The following RGL3 variants were observed in gnomAD, a reference collection of about 807,000 sequenced individuals.
The protein encoded by RGL3 is ral guanine nucleotide dissociation stimulator like 3.
In RGL3, 85 loss-of-function variants were observed where a neutral mutation model predicts 90.6. The observed-to-expected ratio is 0.94, with a 90% CI of 0.79 to 1.12. RGL3 has a LOEUF of 1.12. Ranked by LOEUF, RGL3 falls within the 50% of genes most tolerant of loss-of-function variation. The pLI is 0.00. For missense variants in RGL3, 1,034 were observed against 939.2 expected (o/e 1.10, Z -1.32); for synonymous variants, 408 against 385.5 (o/e 1.06, Z -0.68).
In RGL3 at chr19:11,402,524, A is replaced by G. The variant is rs1333034659; in HGVS notation, c.1260T>C (p.Pro420=). The change falls in exon 11 of 19, where the codon CCT becomes CCC. Residue 420 remains proline (P), a synonymous_variant. Coordinates refer to ENST00000380456, the MANE Select transcript of RGL3 (RefSeq NM_001035223.4). ...TAAGGAAGGTGCCAAGGTAGGGGAC[A>G]GGGCCTGGGGGTGGTTTCTGCAGCC... is the stretch of plus-strand genomic sequence containing the variant. ...GSLPSKPPPG[P]VPYLGTFLTD... 1 of 1,605,316 alleles carries G rather than the reference A, an allele frequency of 6.2e-7. No homozygotes were observed. The highest frequency in any genetic ancestry group is 2.2e-5 in the East Asian group (1 of 44,830).
Position 11,394,439 on chromosome 19 carries a change from T to A in RGL3, c.2096A>T (p.Glu699Val). 1 of 1,613,822 alleles carries A rather than the reference T, an allele frequency of 6.2e-7. No individual in the cohort carries two copies. Among genetic ancestry groups the A allele is most frequent in the Non-Finnish European group, 8.5e-7 (1 of 1,179,926 alleles). ...GACAGACAGAGTGTTCCGGGTCCCC[T>A]CTTTCCGCCGCAGCATGAAGTCTCT... is the stretch of plus-strand genomic sequence containing the variant. ...APRDFMLRRK[E>V]GTRNTLSVSP... The change falls in exon 19 of 19, where the codon GAG becomes GTG. Residue 699 changes from glutamate to valine, a missense_variant. Coordinates refer to ENST00000380456, the MANE Select transcript of RGL3 (RefSeq NM_001035223.4).
intron 1 of RGL3, 22 bp downstream of exon 1, chr19:11,419,224 C>A: frequency 6.3e-7 from 1 of 1,583,626 alleles, no homozygotes. Flanking sequence ...ATGCGGGGTC[C>A]GGGGATCCCT....
rs747244311 is a variant in RGL3, at chr19:11,417,016, C to A, written c.191G>T (p.Ser64Ile). ...CGCTGCCCTCAGCACCCTCACCTTG[C>A]TGGTTCGATAGTGGAGGAAGGTATT... ...IANTFLHYRT[S>I]KVRVLRAARL... Residue 64 changes from serine to isoleucine, a missense_variant, in exon 3 of 19, where the codon AGC (serine) becomes ATC (isoleucine). By Grantham distance (142) the Ser-to-Ile change is moderately radical. Coordinates refer to ENST00000380456, the MANE Select transcript of RGL3 (RefSeq NM_001035223.4). The A allele has an allele frequency of 1.2e-6, 2 of 1,612,606 alleles. No individual in the cohort carries two copies. The highest frequency in any genetic ancestry group is 2.2e-5 in the South Asian group (2 of 90,872).
Position 11,416,841 on chromosome 19 carries a change from A to C in RGL3, c.366T>G (p.Pro122=). Residue 122 remains proline (P), a synonymous_variant, in exon 3 of 19, where the codon CCT becomes CCG. Coordinates refer to ENST00000380456, the MANE Select transcript of RGL3 (RefSeq NM_001035223.4). ...GGTTATGGTTCGCTACTGACCCGGG[A>C]GGTGGGGGCGGTGGCATTGGTGGCA... ...FLLPPMPPPP[P]PGVEIKKTAV... The C allele has an allele frequency of 6.2e-7, 1 of 1,613,132 alleles. No homozygotes were observed. The highest frequency in any genetic ancestry group is 8.5e-7 in the Non-Finnish European group (1 of 1,179,622).
At chr19:11,414,510 T>TA (rs71164198) in intron 5 of RGL3, among the ~76,000 whole-genome samples, 1 of 115,758 alleles carries the variant, frequency 8.6e-6, no homozygotes, top group Non-Finnish European at 1.7e-5. Context: ...TATATATATA[T>TA]ATATATATAT....
Position 11,394,145 on chromosome 19 carries a change from T to G in RGL3, c.*257A>C. The G allele has an allele frequency of 2.4e-6, 1 of 413,820 alleles. No homozygotes were observed. Among genetic ancestry groups the G allele is most frequent in the Non-Finnish European group, 4.5e-6 (1 of 224,118 alleles). 25.6% of individuals were successfully genotyped at this position (413,820 alleles called of 1,614,324 possible). On this transcript the variant is annotated 3_prime_UTR_variant, in exon 19 of 19. Transcript: ENST00000380456. The stretch of plus-strand genomic sequence containing the variant: ...TTATAAGATTTCTCTGGGGAGGGAT[T>G]TGACGTATCCATGCCCCACCTCTTT...
In RGL3 at chr19:11,395,080, G is replaced by A. The variant is rs555691578; in HGVS notation, c.2015-560C>T. Among the ~76,000 whole-genome samples the A allele has an allele frequency of 8.7e-5, 13 of 149,176 alleles. No individual in the cohort carries two copies. In the South Asian group the frequency reaches 2.1e-3, roughly 25 times the overall value. Reference sequence around the variant, plus strand: ...TGCACTCCAGCCTGGGCAACAGCACGAGACTCCATCTCAAAAAAAAAAAAA... The same window carrying A: ...TGCACTCCAGCCTGGGCAACAGCACAAGACTCCATCTCAAAAAAAAAAAAA... On this transcript the variant is annotated intron_variant, in intron 18 of 18. Transcript: ENST00000380456.
chr19:11,418,833 G>T, intron 1 of RGL3, 49 bp from the exon 2 acceptor site: 1 of 1,441,854 alleles, frequency 6.9e-7, no homozygotes, highest in Non-Finnish European at 9.3e-7. Flanking sequence ...AGGTCCTGGG[G>T]CCTCAGCCTC....
intron 5 of RGL3, among the ~76,000 whole-genome samples, chr19:11,411,815 A>G (rs988424948): frequency 1.3e-5 from 2 of 152,124 alleles, no homozygotes; most frequent in Non-Finnish European, 2.9e-5. Flanking sequence ...AAGTTTCAAC[A>G]TGTTGCCCAG....
chr19:11,417,095 A>G, intron 2 of RGL3, 36 bp from the exon 3 acceptor site: 1 of 1,485,002 alleles, frequency 6.7e-7, no homozygotes, highest in Non-Finnish European at 9.1e-7. Context: ...AGAGAGCAGG[A>G]GTGGTCCTCA....
chr19:11,402,834 G>T (rs1968704552), intron 9 of RGL3, 128 bp from the exon 10 acceptor site: 1 of 781,366 alleles, frequency 1.3e-6, no homozygotes, highest in Non-Finnish European at 2.1e-6. Context: ...TAGGCCAGGT[G>T]CGATGGCTCA....
intron 2 of RGL3, among the ~76,000 whole-genome samples, chr19:11,417,602 T>C (rs1969026747): frequency 6.6e-6 from 1 of 151,792 alleles, no homozygotes; most frequent in Non-Finnish European, 1.5e-5. Context: ...CCCAAGTATC[T>C]GGGATTACAG....
At chr19:11,397,121 C>A in intron 18 of RGL3, 123 bp downstream of exon 18, 1 of 740,290 alleles carries the variant, frequency 1.4e-6, no homozygotes, top group South Asian at 1.7e-5. Flanking sequence ...TACCCCTACT[C>A]TCTGCCTGAA....
chr19:11,416,359 T>A (rs1366605046), intron 4 of RGL3: 1 of 615,892 alleles, frequency 1.6e-6, no homozygotes, highest in Non-Finnish European at 2.8e-6. Context: ...GCTACCTTTT[T>A]TTGTTGTTGT....
intron 9 of RGL3, among the ~76,000 whole-genome samples, chr19:11,403,518 T>C (rs1308569057): frequency 6.7e-6 from 1 of 150,322 alleles, no homozygotes; most frequent in East Asian, 2.0e-4. Flanking sequence ...CATATTTCTG[T>C]AATCCCAGCT....
rs1292978259 is a variant in RGL3, at chr19:11,418,668, C to A, written c.147+3G>T. ...CGCGCCACCCACCAAACCCCCTCCT[C>A]ACCTGGCTGCCCCCGGGGCCCTCCG... On this transcript the variant is annotated splice_donor_region_variant and intron_variant, in intron 2 of 18. Transcript: ENST00000380456. 3 of 1,543,868 alleles carry A rather than the reference C, an allele frequency of 1.9e-6. No homozygotes were observed. The highest frequency in any genetic ancestry group is 2.6e-6 in the Non-Finnish European group (3 of 1,149,656).
chr19:11,416,510 CTCT>C (rs1384433245), intron 4 of RGL3, 101 bp downstream of exon 4: 41 of 1,145,704 alleles, frequency 3.6e-5, no homozygotes, highest in Middle Eastern at 1.9e-4. Flanking sequence ...GACTCCCAGT[CTCT>C]TATTACCCAA....
intron 16 of RGL3, among the ~76,000 whole-genome samples, chr19:11,399,648 C>T (rs549171102): frequency 3.9e-5 from 6 of 152,232 alleles, no homozygotes; most frequent in Non-Finnish European, 7.4e-5. Flanking sequence ...AATCTGAGCA[C>T]GAGTCGGATT....
intron 9 of RGL3, among the ~76,000 whole-genome samples, chr19:11,404,547 C>CA (rs1257304367): frequency 6.6e-6 from 1 of 151,152 alleles, no homozygotes; most frequent in African/African-American, 2.5e-5. Flanking sequence ...AACAAAGAAA[C>CA]AAAAAAACAA....
Sources: gnomAD v4.1 joint callset for allele counts (sites outside exome capture counted in the v4.1 genomes callset) on GRCh38, gnomAD v4.1.1 for gene constraint, MANE v1.5 for transcripts, NCBI Gene and HGNC (gene_info 2026-07-23, HGNC 2026-07-21) for gene names.